Variants in KPNA3 observed in about 807,000 individuals in gnomAD.
The protein encoded by KPNA3 is karyopherin subunit alpha 3, also known as importin subunit alpha-4.
In KPNA3, 13 loss-of-function variants were observed where a neutral mutation model predicts 73.8. That is an observed-to-expected ratio of 0.18 (90% CI 0.11 to 0.28). The LOEUF (loss-of-function observed/expected upper bound fraction) is 0.28, where lower values mean the gene tolerates loss of function less well. Ranked by LOEUF, KPNA3 falls within the 10% of genes least tolerant of loss-of-function variation. The probability of loss-of-function intolerance (pLI) is 1.00; values close to 1 mark genes in which losing one functional copy is unlikely to be tolerated. For synonymous variants in KPNA3, 186 were observed against 206.9 expected (o/e 0.90, Z 0.87); for missense variants, 360 against 618.1 (o/e 0.58, Z 4.43).
chr13:49,702,401 A>G lies in KPNA3; in HGVS notation c.1452T>C (p.Tyr484=). The part of the protein sequence containing the change: ...YKLAFEIIDQ[Y]FSGDDIDEDP... ...ATCTACTTACATCATCACCAGAGAA[A>G]TACTGATCTATGATTTCAAATGCTA... is the stretch of plus-strand genomic sequence containing the variant. The change falls in exon 16 of 17, where the codon TAT becomes TAC. Residue 484 remains tyrosine, a synonymous_variant. Coordinates refer to ENST00000261667, the MANE Select transcript of KPNA3 (RefSeq NM_002267.4). 1 of 1,503,766 alleles carries G rather than the reference A, an allele frequency of 6.6e-7. No homozygotes were observed. The highest frequency in any genetic ancestry group is 2.3e-5 in the East Asian group (1 of 43,994). The allele number at this position is 1,503,766 out of a possible 1,614,324, so 93.2% of individuals were successfully genotyped here.
chr13:49,719,513 A>G (rs918696384), intron 10 of KPNA3, among the ~76,000 whole-genome samples: 9 of 152,192 alleles, frequency 5.9e-5, no homozygotes, highest in African/African-American at 2.2e-4. Flanking sequence ...TACAAATATT[A>G]AGGTTTAAAA....
intron 1 of KPNA3, among the ~76,000 whole-genome samples, chr13:49,782,667 C>G (rs1465027104): frequency 6.6e-6 from 1 of 152,014 alleles, no homozygotes; most frequent in Non-Finnish European, 1.5e-5. Flanking sequence ...TCACTTGAGC[C>G]TAAGAGTTTG....
At chr13:49,782,451 T>C (rs991726510) in intron 1 of KPNA3, among the ~76,000 whole-genome samples, 20 of 152,224 alleles carry the variant, frequency 1.3e-4, no homozygotes, top group African/African-American at 4.3e-4. Flanking sequence ...ACCTGTATCA[T>C]AGAACTTACC....
chr13:49,776,074 A>AT (rs1046501457), intron 1 of KPNA3, among the ~76,000 whole-genome samples: 1 of 152,070 alleles, frequency 6.6e-6, no homozygotes, highest in South Asian at 2.1e-4. Flanking sequence ...GAACTTTTTT[A>AT]TTTTTTATTT....
intron 1 of KPNA3, among the ~76,000 whole-genome samples, chr13:49,779,196 T>C (rs987138174): frequency 3.3e-5 from 5 of 152,310 alleles, no homozygotes; most frequent in African/African-American, 4.8e-5. Context: ...CTAAATCTTA[T>C]ATAATTAACT....
intron 1 of KPNA3, among the ~76,000 whole-genome samples, chr13:49,769,046 G>A (rs1303086527): frequency 1.3e-5 from 2 of 152,060 alleles, no homozygotes; most frequent in Non-Finnish European, 2.9e-5. Context: ...TTTAAGAATA[G>A]GCTCTCCTCC....
chr13:49,714,927 AAACT>A (rs1206884056), intron 10 of KPNA3, among the ~76,000 whole-genome samples: 15 of 152,220 alleles, frequency 9.9e-5, no homozygotes, highest in African/African-American at 2.6e-4. Flanking sequence ...CTACATTGAG[AAACT>A]AACATATAAT....
At chr13:49,775,085 G>A (rs1431436769) in intron 1 of KPNA3, among the ~76,000 whole-genome samples, 4 of 150,036 alleles carry the variant, frequency 2.7e-5, no homozygotes, top group South Asian at 2.1e-4. Flanking sequence ...ACTGGGAGGC[G>A]GAGGTTGCAG....
intron 10 of KPNA3, among the ~76,000 whole-genome samples, chr13:49,716,713 C>T (rs1703886895): frequency 6.6e-6 from 1 of 152,092 alleles, no homozygotes; most frequent in African/African-American, 2.4e-5. Context: ...GCTAGGATTA[C>T]AAATATGAGC....
rs905936946 is a variant in KPNA3, at chr13:49,710,921, G to A, written c.873C>T (p.Pro291=). ...IDSGVVPFLV[P]LLSHQEVKVQ... ...CTTTGACTTCCTGATGGCTCAGAAG[G>A]GGCACAAGAAAGGGCACAACTCCTG... The change falls in exon 11 of 17, where the codon CCC becomes CCT. Residue 291 remains proline (P), a synonymous_variant. Coordinates refer to ENST00000261667, the MANE Select transcript of KPNA3 (RefSeq NM_002267.4). The A allele has an allele frequency of 1.9e-6, 3 of 1,613,724 alleles. No individual in the cohort carries two copies. Among genetic ancestry groups the A allele is most frequent in the Non-Finnish European group, 2.5e-6 (3 of 1,179,836 alleles).
intron 1 of KPNA3, among the ~76,000 whole-genome samples, chr13:49,785,217 G>A (rs548393812): frequency 5.9e-5 from 9 of 152,140 alleles, no homozygotes; most frequent in Admixed American, 2.0e-4. Flanking sequence ...ATAAACTAAA[G>A]GAAGAAAACC....
chr13:49,752,549 T>A (rs1954671954), intron 1 of KPNA3, among the ~76,000 whole-genome samples: 1 of 149,958 alleles, frequency 6.7e-6, no homozygotes, highest in South Asian at 2.1e-4. Flanking sequence ...AATAACATTA[T>A]CAATCAGAAT....
At chr13:49,733,932 A>G (rs57683178) in intron 2 of KPNA3, among the ~76,000 whole-genome samples, 4 of 152,274 alleles carry the variant, frequency 2.6e-5, no homozygotes, top group African/African-American at 9.6e-5. Flanking sequence ...CCTGCAGAAA[A>G]CAGTTGAACT....
intron 6 of KPNA3, among the ~76,000 whole-genome samples, chr13:49,729,037 T>G (rs1954437399): frequency 6.6e-6 from 1 of 152,240 alleles, no homozygotes; most frequent in South Asian, 2.1e-4. Flanking sequence ...GACCCTCAGT[T>G]CTTTAGGGAT....
Position 49,732,496 on chromosome 13 carries a change from C to T in KPNA3, c.288-30G>A, listed in dbSNP as rs534931275. On this transcript the variant is annotated intron_variant, in intron 5 of 16. Transcript: ENST00000261667. ...GAAAATAAATATGAGAAATTAATTG[C>T]TATAATTTTCAAACTGTGAAAAGAA... The T allele has an allele frequency of 6.2e-4, 925 of 1,484,516 alleles. 15 individuals carry two copies. In the South Asian group the frequency reaches 9.4e-3, roughly 15 times the overall value. 92.0% of individuals were successfully genotyped at this position (1,484,516 alleles called of 1,614,324 possible). A position where few individuals can be genotyped will look rare whatever the true frequency, so the allele number is the denominator to read the frequency against.
chr13:49,764,371 G>T (rs964448802), intron 1 of KPNA3, among the ~76,000 whole-genome samples: 1 of 152,060 alleles, frequency 6.6e-6, no homozygotes, highest in African/African-American at 2.4e-5. Context: ...CCTCAATTAA[G>T]CTCTCAATGC....
At chr13:49,768,290 A>G (rs1426275511) in intron 1 of KPNA3, among the ~76,000 whole-genome samples, 1 of 151,756 alleles carries the variant, frequency 6.6e-6, no homozygotes, top group Non-Finnish European at 1.5e-5. Context: ...AAAAAAAAAA[A>G]AAAAAAAGCT....
chr13:49,715,016 T>C (rs186710247), intron 10 of KPNA3, among the ~76,000 whole-genome samples: 59 of 152,086 alleles, frequency 3.9e-4, no homozygotes, highest in African/African-American at 1.3e-3. Context: ...GTTTTATTAA[T>C]AGATTTAAGG....
intron 8 of KPNA3, 67 bp from the exon 9 acceptor site, chr13:49,722,191 A>C: frequency 9.2e-7 from 1 of 1,085,276 alleles, no homozygotes; most frequent in Non-Finnish European, 1.3e-6. Flanking sequence ...AAATGTATGC[A>C]ATGGCTCATG....
Sources: gnomAD v4.1 joint callset for allele counts (sites outside exome capture counted in the v4.1 genomes callset) on GRCh38, gnomAD v4.1.1 for gene constraint, MANE v1.5 for transcripts, NCBI Gene and HGNC (gene_info 2026-07-23, HGNC 2026-07-21) for gene names.